Variants in CADPS2 observed in about 807,000 individuals in gnomAD.
The protein encoded by CADPS2 is calcium-dependent secretion activator 2.
Under a neutral mutation model 172.5 loss-of-function variants are expected in CADPS2, and 93 were observed. The observed-to-expected ratio is 0.54, with a 90% CI of 0.46 to 0.64. The LOEUF (loss-of-function observed/expected upper bound fraction) is 0.64, where lower values mean the gene tolerates loss of function less well. Among genes scored for constraint, CADPS2 ranks in the 30% least tolerant of loss-of-function variants. CADPS2 has a pLI of 0.00. For missense variants in CADPS2, 1,420 were observed against 1,565.9 expected (o/e 0.91, Z 1.57); for synonymous variants, 546 against 555.2 (o/e 0.98, Z 0.23).
intron 17 of CADPS2, among the ~76,000 whole-genome samples, chr7:122,430,884 A>G (rs573725803): frequency 6.6e-6 from 1 of 152,332 alleles, no homozygotes; most frequent in African/African-American, 2.4e-5. Flanking sequence ...AGAATTCCCA[A>G]TGGAAGAGAA....
chr7:122,851,682 T>C (rs1013538209), intron 1 of CADPS2, among the ~76,000 whole-genome samples: 11 of 152,204 alleles, frequency 7.2e-5, no homozygotes, highest in Admixed American at 1.3e-4. Context: ...AGGGACAACT[T>C]ATATGGCAAC....
At chr7:122,657,636 T>C (rs1421925893) in intron 3 of CADPS2, among the ~76,000 whole-genome samples, 1 of 152,208 alleles carries the variant, frequency 6.6e-6, no homozygotes, top group Non-Finnish European at 1.5e-5. Context: ...ATAAGAATGC[T>C]TGTGATTTTT....
intron 23 of CADPS2, 39 bp downstream of exon 23, chr7:122,388,544 G>A (rs778944427): frequency 4.4e-5 from 67 of 1,537,354 alleles, no homozygotes; most frequent in Non-Finnish European, 5.9e-5. Context: ...ATTTTTGGGT[G>A]CTGGCACATT....
At chr7:122,768,562 T>A (rs1044394518) in intron 1 of CADPS2, among the ~76,000 whole-genome samples, 1 of 152,128 alleles carries the variant, frequency 6.6e-6, no homozygotes, top group Non-Finnish European at 1.5e-5. Flanking sequence ...ACAAAGAGGA[T>A]TCTGACTTTC....
At chr7:122,536,042 C>T (rs2062231762) in intron 8 of CADPS2, among the ~76,000 whole-genome samples, 1 of 152,012 alleles carries the variant, frequency 6.6e-6, no homozygotes, top group Admixed American at 6.6e-5. Context: ...ACAAGGCATC[C>T]TTATACAAAT....
chr7:122,809,919 T>C (rs1799659807), intron 1 of CADPS2, among the ~76,000 whole-genome samples: 1 of 152,160 alleles, frequency 6.6e-6, no homozygotes, highest in Non-Finnish European at 1.5e-5. Context: ...CATTCAAAGG[T>C]ACTAATGGCA....
At chr7:122,878,644 A>AAATG (rs1169969628) in intron 1 of CADPS2, among the ~76,000 whole-genome samples, 279 of 12,734 alleles carry the variant, frequency 0.022, 2 homozygotes, top group South Asian at 0.05. Context: ...TGTCTCAAAT[A>AAATG]AATAAATAAA....
rs2032043273 is a variant in CADPS2 at position 122,319,954 on chromosome 7, CAAA to C, written c.*208_*210del. 1 of 159,318 alleles carries C rather than the reference CAAA, an allele frequency of 6.3e-6. No individual in the cohort carries two copies. The highest frequency in any genetic ancestry group is 4.0e-5 in the African/African-American group (1 of 24,872). 9.9% of individuals were successfully genotyped at this position (159,318 alleles called of 1,614,324 possible). A position where few individuals can be genotyped will look rare whatever the true frequency, so the allele number is the denominator to read the frequency against. On this transcript the variant is annotated 3_prime_UTR_variant, in exon 30 of 30. Coordinates refer to ENST00000449022, the MANE Select transcript of CADPS2 (RefSeq NM_017954.11). ...AAGAGGATGCTCTTCTCCAAAAAAACAAACAAACAAACAAACAAAAAAAGGAAA... is the reference window on the plus strand; with the variant it reads ...AAGAGGATGCTCTTCTCCAAAAAAACCAAACAAACAAACAAAAAAAGGAAA...
chr7:122,464,776 A>T (rs569190671), intron 14 of CADPS2, among the ~76,000 whole-genome samples: 1 of 152,328 alleles, frequency 6.6e-6, no homozygotes, highest in East Asian at 1.9e-4. Flanking sequence ...ATCCCTAAGA[A>T]ACTGCTACAA....
intron 1 of CADPS2, among the ~76,000 whole-genome samples, chr7:122,853,637 T>C (rs1394568893): frequency 2.0e-5 from 3 of 151,842 alleles, no homozygotes; most frequent in Non-Finnish European, 2.9e-5. Context: ...TCCTGACTAA[T>C]ATACCCTTAC....
chr7:122,784,560 T>G (rs1196676993), intron 1 of CADPS2, among the ~76,000 whole-genome samples: 4 of 152,192 alleles, frequency 2.6e-5, no homozygotes, highest in Non-Finnish European at 4.4e-5. Flanking sequence ...TTTCTTAATC[T>G]AGGCAGGAAA....
intron 6 of CADPS2, among the ~76,000 whole-genome samples, chr7:122,583,305 T>A (rs1587569053): frequency 6.6e-6 from 1 of 152,064 alleles, no homozygotes; most frequent in African/African-American, 2.4e-5. Flanking sequence ...AAACCAACAT[T>A]CCTGCCATTC....
chr7:122,662,737 T>C (rs1249801692), intron 3 of CADPS2, among the ~76,000 whole-genome samples: 2 of 152,188 alleles, frequency 1.3e-5, no homozygotes, highest in Admixed American at 1.3e-4. Context: ...ATTCACTCTG[T>C]CATCTCTTTA....
intron 15 of CADPS2, among the ~76,000 whole-genome samples, chr7:122,443,405 A>G (rs1330350299): frequency 6.6e-6 from 1 of 152,200 alleles, no homozygotes; most frequent in Admixed American, 6.5e-5. Context: ...TGGCAGCTCT[A>G]TAACAGCAAA....
chr7:122,540,007 T>TA (rs2062757091), intron 8 of CADPS2, among the ~76,000 whole-genome samples: 2 of 152,128 alleles, frequency 1.3e-5, no homozygotes, highest in African/African-American at 4.8e-5. Flanking sequence ...TTAATATATT[T>TA]ACTCTTTTGT....
At position 122,471,372 on chromosome 7, in the gene CADPS2, T is replaced by TA. The variant is rs1244345782; in HGVS notation, c.2186+2dup. 1.2e-6 allele frequency: 2 copies of TA among 1,600,666 alleles called. No homozygotes were observed. The highest frequency in any genetic ancestry group is 1.7e-6 in the Non-Finnish European group (2 of 1,172,802). On this transcript the variant is annotated splice_region_variant and intron_variant, in intron 14 of 29. Coordinates refer to ENST00000449022, the MANE Select transcript of CADPS2 (RefSeq NM_017954.11). ...TTCACTTTGTATTTGCAAGTAAAAA[T>TA]ACCTGTTGCCGTGCACATGAGAGGC...
In CADPS2 at chr7:122,609,707, A is replaced by G. The variant is rs115871712; in HGVS notation, c.1223+5474T>C. On this transcript the variant is annotated intron_variant, in intron 6 of 29. Transcript: ENST00000449022. ...GTTTCCTCCTAATTGCTGGCAGGAA[A>G]TCAGAACTACAGGAAGGAAATAGGT... Among the ~76,000 whole-genome samples the G allele has an allele frequency of 2.0e-3, 302 of 152,318 alleles. 1 individual carries two copies. Among genetic ancestry groups the G allele is most frequent in the Non-Finnish European group, 2.7e-3 (184 of 68,022 alleles).
intron 28 of CADPS2, among the ~76,000 whole-genome samples, chr7:122,340,910 A>G (rs1585118909): frequency 6.6e-6 from 1 of 152,056 alleles, no homozygotes; most frequent in Non-Finnish European, 1.5e-5. Context: ...CAAAGCAGAA[A>G]AACTTTCTTT....
intron 24 of CADPS2, chr7:122,386,347 A>G (rs992860176): frequency 1.6e-6 from 2 of 1,267,732 alleles, no homozygotes; most frequent in Non-Finnish European, 2.1e-6. Flanking sequence ...AAGATGATGA[A>G]AGAGAACAGA....
Sources: allele counts gnomAD v4.1 joint callset (sites outside exome capture counted in the v4.1 genomes callset), GRCh38; gene constraint gnomAD v4.1.1; transcripts MANE v1.5; gene names NCBI Gene and HGNC (gene_info 2026-07-23, HGNC 2026-07-21).